CDKN2B-AS1: variants seen among roughly 807,000 people sequenced by gnomAD.
CDKN2B-AS1 encodes CDKN2B antisense RNA 1 (non-protein coding).
At chr9:22,102,965 G>A (rs1825534914) in intron 4 of CDKN2B-AS1, among the ~76,000 whole-genome samples, 1 of 152,164 alleles carries the variant, frequency 6.6e-6, no homozygotes, top group Admixed American at 6.5e-5. Flanking sequence ...GATGGTCCTT[G>A]CTCTCATCTG....
At chr9:22,008,838 T>A in intron 1 of CDKN2B-AS1, 1 of 1,609,224 alleles carries the variant, frequency 6.2e-7, no homozygotes. Flanking sequence ...TCCGTTGGGA[T>A]CCGCGCCGGC....
chr9:22,088,252 C>T (rs373476672), intron 4 of CDKN2B-AS1, among the ~76,000 whole-genome samples: 4 of 152,034 alleles, frequency 2.6e-5, no homozygotes, highest in Non-Finnish European at 5.9e-5. Flanking sequence ...TATGAAAGGT[C>T]GTAAGAAGCG....
rs770734081 is a variant in CDKN2B-AS1, at chr9:22,006,139, G to C, written n.29+10978G>C. 3.7e-6 allele frequency: 6 copies of C among 1,611,438 alleles called. No homozygotes were observed. The highest frequency in any genetic ancestry group is 5.1e-6 in the Non-Finnish European group (6 of 1,179,860). ...ACCAGCGTGTCCAGGAAGCCCTCCCGGGCAGCATCATGCACCGGTCGGGTG... is the reference window on the plus strand; with the variant it reads ...ACCAGCGTGTCCAGGAAGCCCTCCCCGGCAGCATCATGCACCGGTCGGGTG... On this transcript the variant is annotated intron_variant and non_coding_transcript_variant, in intron 1 of 4. Transcript: ENST00000650946. The surrounding 1 kb of genome is among the most constrained non-coding windows in gnomAD (Gnocchi z 6.4).
rs1399303950 is a variant in CDKN2B-AS1, at chr9:22,001,102, G to A, written n.29+5941G>A. 6.6e-6 allele frequency among the ~76,000 whole-genome samples: 1 copy of A among 152,122 alleles called. No individual in the cohort carries two copies. The highest frequency in any genetic ancestry group is 1.5e-5 in the Non-Finnish European group (1 of 68,004). On this transcript the variant is annotated intron_variant and non_coding_transcript_variant, in intron 1 of 4. Transcript: ENST00000650946. The surrounding 1 kb of genome is among the most constrained non-coding windows in gnomAD (Gnocchi z 4.2). The stretch of plus-strand genomic sequence containing the variant: ...TCGTTTAAAATGGAATGGAGACCCA[G>A]AGGTCACATAAGACAGGGTTCAGAG...
chr9:22,064,608 G>A lies in CDKN2B-AS1; in HGVS notation n.438+8221G>A, dbSNP rs76613751. Among the ~76,000 whole-genome samples the A allele has an allele frequency of 3.2e-3, 490 of 152,264 alleles. 1 individual carries two copies. Among genetic ancestry groups the A allele is most frequent in the Middle Eastern group, 0.014 (4 of 294 alleles). ...TTCCAAAGATGGAGTGAATCAGTTC[G>A]AGACAGAGATATCTGAGGGTCTGAG... On this transcript the variant is annotated intron_variant and non_coding_transcript_variant, in intron 4 of 4. Coordinates refer to ENST00000650946, the Ensembl canonical transcript of CDKN2B-AS1.
intron 1 of CDKN2B-AS1, chr9:22,030,852 A>G (rs1822437896): frequency 1.3e-5 from 2 of 152,188 alleles, no homozygotes; most frequent in Non-Finnish European, 2.9e-5. Flanking sequence ...ACATCAGGGA[A>G]CAAAAGATAT....
chr9:22,109,450 AG>A (rs1278205059), intron 4 of CDKN2B-AS1, among the ~76,000 whole-genome samples: 7 of 152,324 alleles, frequency 4.6e-5, no homozygotes, highest in South Asian at 4.1e-4. Flanking sequence ...TCAAATTCCT[AG>A]TGCCTAGTAC....
At chr9:22,093,227 G>A (rs924418850) in intron 4 of CDKN2B-AS1, among the ~76,000 whole-genome samples, 2 of 143,308 alleles carry the variant, frequency 1.4e-5, no homozygotes, top group Non-Finnish European at 3.0e-5. Flanking sequence ...GCTGAGGAGT[G>A]CTTTACTTCC....
At chr9:22,023,735 G>A (rs908580138) in intron 1 of CDKN2B-AS1, among the ~76,000 whole-genome samples, 7 of 152,250 alleles carry the variant, frequency 4.6e-5, no homozygotes, top group Middle Eastern at 3.4e-3. Flanking sequence ...TTGAGAGTCC[G>A]TATCAAAAGC....
At chr9:22,095,265 C>T (rs1412482322) in intron 4 of CDKN2B-AS1, among the ~76,000 whole-genome samples, 1 of 144,736 alleles carries the variant, frequency 6.9e-6, no homozygotes, top group Non-Finnish European at 1.5e-5. Context: ...GGTCAGGGAC[C>T]CACCTGAGGA....
chr9:22,081,693 T>A (rs966868195), intron 4 of CDKN2B-AS1, among the ~76,000 whole-genome samples: 1 of 152,168 alleles, frequency 6.6e-6, no homozygotes, highest in Non-Finnish European at 1.5e-5. Context: ...CTAGGAAGCT[T>A]GTCTATTAGT....
In CDKN2B-AS1 at chr9:22,037,058, G is replaced by A. The variant is rs186923684; in HGVS notation, n.30-9693G>A. On this transcript the variant is annotated intron_variant and non_coding_transcript_variant, in intron 1 of 4. Transcript: ENST00000650946. ...TGTACATGTCTGGTTTCGTCACTAC[G>A]CTGATGGCAAGGATCATGCATGCCT... Among the ~76,000 whole-genome samples the A allele has an allele frequency of 9.2e-5, 14 of 152,068 alleles. 1 individual carries two copies. Among genetic ancestry groups the A allele is most frequent in the African/African-American group, 2.7e-4 (11 of 41,506 alleles).
In CDKN2B-AS1 at chr9:22,078,605, TTAAAATGC is replaced by T. The variant is rs35390589; in HGVS notation, n.438+22223_438+22230del. Among the ~76,000 whole-genome samples the T allele has an allele frequency of 9.2e-3, 1,401 of 152,328 alleles. 16 individuals are homozygous for T. Among genetic ancestry groups the T allele is most frequent in the African/African-American group, 0.031 (1,285 of 41,558 alleles). ...AACAACAGATCTGCAGGAGATCTTG[TTAAAATGC>T]TAAATTCTGATTCAGCAGGTCTGGA... On this transcript the variant is annotated intron_variant and non_coding_transcript_variant, in intron 4 of 4. Coordinates refer to ENST00000650946, the Ensembl canonical transcript of CDKN2B-AS1.
At chr9:22,008,738 C>T (rs767817760) in intron 1 of CDKN2B-AS1, 1 of 1,610,794 alleles carries the variant, frequency 6.2e-7, no homozygotes, top group Admixed American at 1.7e-5. Flanking sequence ...CCCCGATCCG[C>T]CGAGGCCGCG....
chr9:22,022,349 A>T (rs1294838626), intron 1 of CDKN2B-AS1, among the ~76,000 whole-genome samples: 6 of 151,748 alleles, frequency 4.0e-5, no homozygotes. Context: ...TGTTGGGTGT[A>T]TATATATTTA....
chr9:22,090,652 T>C (rs1425528560), intron 4 of CDKN2B-AS1, among the ~76,000 whole-genome samples: 1 of 152,246 alleles, frequency 6.6e-6, no homozygotes, highest in African/African-American at 2.4e-5. Context: ...GTTCATATCC[T>C]TCACCCACTT....
chr9:21,997,753 A>C lies in CDKN2B-AS1; in HGVS notation n.29+2592A>C, dbSNP rs3218021. Among the ~76,000 whole-genome samples, 4,788 of 152,172 alleles carry C rather than the reference A, an allele frequency of 0.031. 201 individuals are homozygous for C. Among genetic ancestry groups the C allele is most frequent in the African/African-American group, 0.094 (3,911 of 41,490 alleles). On this transcript the variant is annotated intron_variant and non_coding_transcript_variant, in intron 1 of 4. Coordinates refer to ENST00000650946, the Ensembl canonical transcript of CDKN2B-AS1. The surrounding 1 kb of genome is among the most constrained non-coding windows in gnomAD (Gnocchi z 4.8). ...GTCTACTGACTTAAATGTTAATCATATCTAAAAAATACCTCCACAGCAATA... is the reference window on the plus strand; with the variant it reads ...GTCTACTGACTTAAATGTTAATCATCTCTAAAAAATACCTCCACAGCAATA...
At chr9:22,078,826 T>G (rs2131326667) in intron 4 of CDKN2B-AS1, among the ~76,000 whole-genome samples, 1 of 152,296 alleles carries the variant, frequency 6.6e-6, no homozygotes, top group African/African-American at 2.4e-5. Flanking sequence ...TTAGCTGAGG[T>G]TTGGGTATGC....
At chr9:22,062,279 A>G (rs1823853453) in intron 4 of CDKN2B-AS1, among the ~76,000 whole-genome samples, 1 of 152,240 alleles carries the variant, frequency 6.6e-6, no homozygotes, top group African/African-American at 2.4e-5. Flanking sequence ...TGTTTAGCTT[A>G]CAGAAAGTTA....
Sources: allele counts gnomAD v4.1 joint callset (sites outside exome capture counted in the v4.1 genomes callset), GRCh38; gene constraint gnomAD v4.1.1; non-coding constraint Gnocchi (gnomAD v3.1); transcripts MANE v1.5; gene names NCBI Gene and HGNC (gene_info 2026-07-23, HGNC 2026-07-21).